Variants in QSER1 observed in about 807,000 individuals in gnomAD.
QSER1 encodes glutamine and serine-rich protein 1.
QSER1 carries 49 observed loss-of-function variants against 158.5 expected under a neutral mutation model. The ratio of observed to expected loss-of-function variants is 0.31; its 90% CI spans 0.25 to 0.39. The LOEUF (loss-of-function observed/expected upper bound fraction) is 0.39, where lower values mean the gene tolerates loss of function less well. QSER1 is among the 10% of genes least tolerant of loss of function. The probability of loss-of-function intolerance (pLI) is 1.00; values close to 1 mark genes in which losing one functional copy is unlikely to be tolerated. For synonymous variants in QSER1, 650 were observed against 715.5 expected, an observed-to-expected ratio of 0.91 and a Z score of 1.46; for missense variants, 1,754 against 2,010.3, an observed-to-expected ratio of 0.87 and a Z score of 2.44.
chr11:32,963,809 G>A (rs1477645337), intron 8 of QSER1, among the ~76,000 whole-genome samples: 1 of 152,126 alleles, frequency 6.6e-6, no homozygotes, highest in Non-Finnish European at 1.5e-5. Flanking sequence ...ACTGACTACA[G>A]GTATGCACCA....
intron 1 of QSER1, among the ~76,000 whole-genome samples, chr11:32,902,416 T>C (rs1262636395): frequency 6.6e-6 from 1 of 152,172 alleles, no homozygotes; most frequent in Non-Finnish European, 1.5e-5. Context: ...AGTTTGTAGG[T>C]GATTCTTATG....
chr11:32,944,357 T>C (rs1163651766), intron 4 of QSER1, among the ~76,000 whole-genome samples: 16 of 147,312 alleles, frequency 1.1e-4, no homozygotes, highest in African/African-American at 2.5e-5. Context: ...TTTCCTGCTT[T>C]CTCTTGTGGG....
intron 3 of QSER1, among the ~76,000 whole-genome samples, chr11:32,931,202 A>G (rs547163968): frequency 6.6e-6 from 1 of 152,196 alleles, no homozygotes; most frequent in African/African-American, 2.4e-5. Flanking sequence ...TCATTTTCCT[A>G]TGACCTTATC....
intron 4 of QSER1, among the ~76,000 whole-genome samples, chr11:32,943,740 T>C (rs1312164951): frequency 7.9e-5 from 12 of 152,090 alleles, no homozygotes; most frequent in Admixed American, 7.9e-4. Flanking sequence ...AGAATGATGC[T>C]GGCCTCATAA....
At chr11:32,931,444 A>G (rs117704652) in intron 3 of QSER1, among the ~76,000 whole-genome samples, 2,815 of 152,042 alleles carry the variant, frequency 0.019, 43 homozygotes, top group South Asian at 0.038. Flanking sequence ...CAGGTTTGGG[A>G]GTATGCGCCT....
intron 12 of QSER1, chr11:32,975,644 C>CA: frequency 2.5e-6 from 3 of 1,215,744 alleles, no homozygotes; most frequent in Non-Finnish European, 3.1e-6. Context: ...TGTTCTCTCA[C>CA]AGTGTATGAT....
chr11:32,975,431 G>A lies in QSER1; in HGVS notation c.5454+88G>A, dbSNP rs1255968751. On this transcript the variant is annotated intron_variant, in intron 12 of 12. Transcript: ENST00000650167. ...AGTATTTTGGAGTGTTTTAAAGAGAGTTGTGAAATACATGTGTGTATGTAT... is the reference window on the plus strand; with the variant it reads ...AGTATTTTGGAGTGTTTTAAAGAGAATTGTGAAATACATGTGTGTATGTAT... 5 of 1,568,382 alleles carry A rather than the reference G, an allele frequency of 3.2e-6. No homozygotes were observed. In the African/African-American group the frequency reaches 4.0e-5, roughly 13 times the overall value.
At position 32,977,185 on chromosome 11, in the gene QSER1, C is replaced by T. The variant is rs1852992837; in HGVS notation, c.*711C>T. ...ACTGTTTTTTCCTTTGGAAAATTTT[C>T]AATTGTACATTTTATTTCACTGATA... On this transcript the variant is annotated 3_prime_UTR_variant, in exon 13 of 13. Transcript: ENST00000650167. 6.6e-6 allele frequency: 1 copy of T among 152,448 alleles called. No homozygotes were observed. The highest frequency in any genetic ancestry group is 1.5e-5 in the Non-Finnish European group (1 of 68,006). 9.4% of individuals were successfully genotyped at this position (152,448 alleles called of 1,614,324 possible).
Position 32,934,440 on chromosome 11 carries a change from C to T in QSER1, c.3182C>T (p.Pro1061Leu), listed in dbSNP as rs1852107139. 1.9e-6 allele frequency: 3 copies of T among 1,613,808 alleles called. No homozygotes were observed. The highest frequency in any genetic ancestry group is 2.5e-6 in the Non-Finnish European group (3 of 1,179,990). Residue 1061 changes from proline (P) to leucine (L), a missense_variant, in exon 4 of 13, where the codon CCA becomes CTA. Around this residue, in one of 2 missense-constraint regions of QSER1, gnomAD observed 1,707 missense variants for 1,919.6 expected, o/e 0.89. Transcript: ENST00000650167. ...AATCAGGTTACTGTGAACCTTTCAC[C>T]AGTACCTGCCCTTCAGTCAAAAATG... Reference protein sequence around the residue: ...NGNQVTVNLSPVPALQSKMTL... With the variant: ...NGNQVTVNLSLVPALQSKMTL...
At chr11:32,955,497 T>C in intron 6 of QSER1, 85 bp downstream of exon 6, 1 of 617,612 alleles carries the variant, frequency 1.6e-6, no homozygotes, top group South Asian at 2.5e-5. Context: ...GTATTTTATA[T>C]TGAATATTTT....
intron 6 of QSER1, among the ~76,000 whole-genome samples, 188 bp from the exon 7 acceptor site, chr11:32,955,800 A>G (rs1852501000): frequency 6.6e-6 from 1 of 152,200 alleles, no homozygotes; most frequent in Non-Finnish European, 1.5e-5. Context: ...GAATATGCCA[A>G]ATGAGATTGC....
chr11:32,932,148 C>G lies in QSER1; in HGVS notation c.890C>G (p.Ser297Ter). 6.2e-7 allele frequency: 1 copy of G among 1,614,160 alleles called. No individual in the cohort carries two copies. The highest frequency in any genetic ancestry group is 8.5e-7 in the Non-Finnish European group (1 of 1,180,020). ...CAGCAGACTCCTCAAGCCTACAGTT[C>G]AACTCTCTTTACTAGTTCTACTGCT... The part of the protein sequence containing the change: ...GSQQTPQAYS[S>*]TLFTSSTASI... The change falls in exon 4 of 13, where the codon TCA (serine) becomes TGA (stop). Residue 297 changes from serine (S) to a stop codon, truncating the protein, a stop_gained. Transcript: ENST00000650167. LOFTEE classifies it high-confidence loss of function.
chr11:32,896,860 T>G (rs1359501593), intron 1 of QSER1, among the ~76,000 whole-genome samples: 2 of 152,204 alleles, frequency 1.3e-5, no homozygotes, highest in African/African-American at 2.4e-5. Context: ...GGACATTTGT[T>G]TGATACATTT....
rs773818987 is a variant in QSER1 at position 32,976,362 on chromosome 11, A to G, written c.5483A>G (p.Asp1828Gly). 1 of 1,600,528 alleles carries G rather than the reference A, an allele frequency of 6.2e-7. No individual in the cohort carries two copies. Among genetic ancestry groups the G allele is most frequent in the East Asian group, 2.3e-5 (1 of 44,388 alleles). The change falls in exon 13 of 13, where the codon GAT becomes GGT. Residue 1828 changes from aspartate (D) to glycine (G), a missense_variant. By Grantham distance (94) the Asp-to-Gly change is moderately conservative. Around this residue, in one of 2 missense-constraint regions of QSER1, gnomAD observed 47 missense variants for 90.7 expected, o/e 0.52. Transcript: ENST00000650167. ...TCTTCGGTGCAGAAAAAAAATGAAGATTTAGGACAGGAGGAAATTGTTCAA... is the reference window on the plus strand; with the variant it reads ...TCTTCGGTGCAGAAAAAAAATGAAGGTTTAGGACAGGAGGAAATTGTTCAA... ...EISSVQKKNEDLGQEEIVQLC... is the reference protein window; with the variant it reads ...EISSVQKKNEGLGQEEIVQLC...
chr11:32,916,007 T>A (rs1045821783), intron 1 of QSER1, among the ~76,000 whole-genome samples: 1 of 151,906 alleles, frequency 6.6e-6, no homozygotes, highest in Non-Finnish European at 1.5e-5. Context: ...GTTCAAGCAG[T>A]TCTCCTGCCT....
At chr11:32,940,908 T>TC (rs1852220898) in intron 4 of QSER1, among the ~76,000 whole-genome samples, 1 of 152,082 alleles carries the variant, frequency 6.6e-6, no homozygotes, top group Non-Finnish European at 1.5e-5. Flanking sequence ...TACTTTTTTT[T>TC]CTTAATGTCT....
chr11:32,937,773 G>A (rs1673164984), intron 4 of QSER1, among the ~76,000 whole-genome samples: 1 of 152,112 alleles, frequency 6.6e-6, no homozygotes, highest in African/African-American at 2.4e-5. Context: ...CTGTCCCTCT[G>A]CTGTGACAAT....
intron 8 of QSER1, among the ~76,000 whole-genome samples, chr11:32,960,668 A>G (rs749503447): frequency 2.0e-5 from 3 of 152,252 alleles, no homozygotes; most frequent in Non-Finnish European, 2.9e-5. Context: ...AGTCTTGCCT[A>G]CTGCTTAGAA....
chr11:32,932,811 A>G lies in QSER1; in HGVS notation c.1553A>G (p.Asn518Ser), dbSNP rs773521400. 1.1e-5 allele frequency: 18 copies of G among 1,613,918 alleles called. No homozygotes were observed. In the Admixed American group the frequency reaches 3.0e-4, roughly 27 times the overall value. ...SGSSQTVTPE[N>S]QTLNYSSNQQ... ...TCATCTCAGACTGTAACTCCTGAAA[A>G]TCAGACGCTTAATTATTCATCTAAT... The change falls in exon 4 of 13, where the codon AAT (asparagine) becomes AGT (serine). Residue 518 changes from asparagine to serine, a missense_variant. This residue lies in a region of QSER1 where 1,707 missense variants were observed against 1,919.6 expected (regional missense o/e 0.89). Coordinates refer to ENST00000650167, the MANE Select transcript of QSER1 (RefSeq NM_001076786.3).
Sources: gnomAD v4.1 joint callset for allele counts (sites outside exome capture counted in the v4.1 genomes callset) on GRCh38, gnomAD v4.1.1 for gene constraint, gnomAD v4.1.1 regional missense constraint, MANE v1.5 for transcripts, NCBI Gene and HGNC (gene_info 2026-07-23, HGNC 2026-07-21) for gene names.